Variants in PCDHGC4 observed in about 807,000 individuals in gnomAD.
The protein encoded by PCDHGC4 is protocadherin gamma-C4.
A neutral mutation model predicts 59.7 loss-of-function variants in PCDHGC4; 15 were observed. The ratio of observed to expected loss-of-function variants is 0.25; its 90% CI spans 0.17 to 0.39. PCDHGC4 has a LOEUF of 0.39. Among genes scored for constraint, PCDHGC4 ranks in the 10% least tolerant of loss-of-function variants. PCDHGC4 has a pLI of 1.00. For missense variants in PCDHGC4, 1,016 were observed against 1,189.5 expected, an observed-to-expected ratio of 0.85 and a Z score of 2.15; for synonymous variants, 434 against 481.4, an observed-to-expected ratio of 0.90 and a Z score of 1.29.
chr5:141,510,553 A>C (rs1471878583), intron 3 of PCDHGC4, among the ~76,000 whole-genome samples: 1 of 152,162 alleles, frequency 6.6e-6, no homozygotes, highest in African/African-American at 2.4e-5. Context: ...TGTTTTGAGC[A>C]CTTACATCTA....
intron 2 of PCDHGC4, among the ~76,000 whole-genome samples, chr5:141,498,994 AAGGAAGGAAGG>A (rs2099788184): frequency 2.0e-5 from 3 of 148,560 alleles, no homozygotes; most frequent in Non-Finnish European, 4.5e-5. Flanking sequence ...GGAAGGAAGG[AAGGAAGGAAGG>A]AAGGAAGGAA....
At position 141,490,356 on chromosome 5, in the gene PCDHGC4, T is replaced by C. The variant is rs771968534; in HGVS notation, c.2442+2741T>C. ...CAGTGGGCACAGTAGTGGGGTTGTT[T>C]AATGTGCGAGACCGGGACTCAGGTA... On this transcript the variant is annotated intron_variant, in intron 1 of 3. Coordinates refer to ENST00000306593, the MANE Select transcript of PCDHGC4 (RefSeq NM_018928.3). The surrounding 1 kb of genome is among the most constrained non-coding windows in gnomAD (Gnocchi z 5.4). 1.4e-5 allele frequency: 23 copies of C among 1,614,084 alleles called. No individual in the cohort carries two copies. Among genetic ancestry groups the C allele is most frequent in the Non-Finnish European group, 1.9e-5 (22 of 1,180,038 alleles).
At chr5:141,502,008 C>T (rs753492460) in intron 2 of PCDHGC4, among the ~76,000 whole-genome samples, 6 of 152,086 alleles carry the variant, frequency 3.9e-5, no homozygotes, top group Non-Finnish European at 8.8e-5. Context: ...AACCCGCATG[C>T]TCTCCTCCCT....
chr5:141,491,434 A>G lies in PCDHGC4; in HGVS notation c.2443-3373A>G, dbSNP rs1362196179. The G allele has an allele frequency of 6.2e-7, 1 of 1,614,032 alleles. No individual in the cohort carries two copies. ...GGACGGGGGTGGAGGGCAGTGCTGC[A>G]GGCGCCAGGACTCACCCTCCCCGGA... On this transcript the variant is annotated intron_variant, in intron 1 of 3. Coordinates refer to ENST00000306593, the MANE Select transcript of PCDHGC4 (RefSeq NM_018928.3). The surrounding 1 kb of genome is among the most constrained non-coding windows in gnomAD (Gnocchi z 6.9).
At position 141,511,032 on chromosome 5, in the gene PCDHGC4, G is replaced by T. The variant is rs779589499; in HGVS notation, c.2676G>T (p.Gln892His). 6.2e-7 allele frequency: 1 copy of T among 1,614,228 alleles called. No individual in the cohort carries two copies. Among genetic ancestry groups the T allele is most frequent in the South Asian group, 1.1e-5 (1 of 91,090 alleles). ...GCTACGGACCCCAGTTCACCCTGCAGCACGTGCCCGACTACCGCCAGAATG... is the reference window on the plus strand; with the variant it reads ...GCTACGGACCCCAGTTCACCCTGCATCACGTGCCCGACTACCGCCAGAATG... ...SARYGPQFTLQHVPDYRQNVY... is the reference protein window; with the variant it reads ...SARYGPQFTLHHVPDYRQNVY... Residue 892 changes from glutamine (Q) to histidine (H), a missense_variant, in exon 4 of 4, where the codon CAG (glutamine) becomes CAT (histidine). Gln to His is a conservative substitution (Grantham distance 24, BLOSUM62 0). Coordinates refer to ENST00000306593, the MANE Select transcript of PCDHGC4 (RefSeq NM_018928.3).
chr5:141,490,229 T>C lies in PCDHGC4; in HGVS notation c.2442+2614T>C. The C allele has an allele frequency of 6.2e-7, 1 of 1,614,198 alleles. No individual in the cohort carries two copies. Among genetic ancestry groups the C allele is most frequent in the Non-Finnish European group, 8.5e-7 (1 of 1,180,034 alleles). On this transcript the variant is annotated intron_variant, in intron 1 of 3. Coordinates refer to ENST00000306593, the MANE Select transcript of PCDHGC4 (RefSeq NM_018928.3). The surrounding 1 kb of genome is among the most constrained non-coding windows in gnomAD (Gnocchi z 5.4). ...GCCCGTGACCAGGGACAGCCTGCCA[T>C]GGAGGGCCACTGTGTGATTCAAGTG... is the stretch of plus-strand genomic sequence containing the variant.
At chr5:141,501,330 CACA>C (rs1301023208) in intron 2 of PCDHGC4, among the ~76,000 whole-genome samples, 82 of 151,502 alleles carry the variant, frequency 5.4e-4, no homozygotes, top group Admixed American at 2.2e-3. Flanking sequence ...CACACACACA[CACA>C]CCCCAAACTC....
chr5:141,508,928 G>A (rs1475005703), intron 3 of PCDHGC4, among the ~76,000 whole-genome samples: 1 of 152,076 alleles, frequency 6.6e-6, no homozygotes, highest in East Asian at 1.9e-4. Flanking sequence ...TCCTTTTGGA[G>A]TTAATTAGGG....
At chr5:141,498,429 G>T (rs1595525351) in intron 2 of PCDHGC4, among the ~76,000 whole-genome samples, 1 of 152,290 alleles carries the variant, frequency 6.6e-6, no homozygotes, top group East Asian at 1.9e-4. Flanking sequence ...GGAGTGAGGG[G>T]ATGAAGAGGA....
Position 141,489,352 on chromosome 5 carries a change from G to A in PCDHGC4, c.2442+1737G>A, listed in dbSNP as rs1336068787. 1.9e-6 allele frequency: 3 copies of A among 1,612,152 alleles called. No homozygotes were observed. In the Admixed American group the frequency reaches 5.0e-5, roughly 27 times the overall value. On this transcript the variant is annotated intron_variant, in intron 1 of 3. Transcript: ENST00000306593. The surrounding 1 kb of genome is among the most constrained non-coding windows in gnomAD (Gnocchi z 4.5). ...GCAGCTTCGTTACTCAGTGGTGGAG[G>A]AGTCTGAGCCGGGGACGCTGGTGGG...
At chr5:141,510,580 G>A (rs947369646) in intron 3 of PCDHGC4, among the ~76,000 whole-genome samples, 7 of 152,248 alleles carry the variant, frequency 4.6e-5, no homozygotes, top group South Asian at 2.1e-4. Flanking sequence ...ACTATTTTAC[G>A]TACCTGACAT....
In PCDHGC4 at chr5:141,485,417, G is replaced by A. The variant is rs1340790133; in HGVS notation, c.244G>A (p.Gly82Arg). The A allele has an allele frequency of 1.2e-6, 2 of 1,614,166 alleles. No homozygotes were observed. Among genetic ancestry groups the A allele is most frequent in the Non-Finnish European group, 8.5e-7 (1 of 1,180,038 alleles). ...ACACTTCCGTGTGGATTTGGACAGCGGAGCCCTGCTCATCAAGAACCCAAT... is the reference window on the plus strand; with the variant it reads ...ACACTTCCGTGTGGATTTGGACAGCAGAGCCCTGCTCATCAAGAACCCAAT... ...QRHFRVDLDSGALLIKNPIDR... is the reference protein window; with the variant it reads ...QRHFRVDLDSRALLIKNPIDR... The change falls in exon 1 of 4, where the codon GGA (glycine) becomes AGA (arginine). Residue 82 changes from glycine to arginine, a missense_variant. By Grantham distance (125) the Gly-to-Arg change is moderately radical. Coordinates refer to ENST00000306593, the MANE Select transcript of PCDHGC4 (RefSeq NM_018928.3). The surrounding 1 kb of genome is among the most constrained non-coding windows in gnomAD (Gnocchi z 5.7).
Position 141,485,447 on chromosome 5 carries a change from C to G in PCDHGC4, c.274C>G (p.Arg92Gly), listed in dbSNP as rs1233800346. 6.2e-7 allele frequency: 1 copy of G among 1,614,144 alleles called. No individual in the cohort carries two copies. The highest frequency in any genetic ancestry group is 8.5e-7 in the Non-Finnish European group (1 of 1,180,036). The change falls in exon 1 of 4, where the codon CGA (arginine) becomes GGA (glycine). Residue 92 changes from arginine (R) to glycine (G), a missense_variant. Physicochemically the swap from Arg to Gly is moderately radical, Grantham distance 125. Transcript: ENST00000306593. This position sits in a 1 kb window ranked among gnomAD's most constrained non-coding sequence, Gnocchi z 5.7. ...CCTGCTCATCAAGAACCCAATCGAC[C>G]GAGAGGCACTGTGTGGGCTCAGTGC... is the stretch of plus-strand genomic sequence containing the variant. ...GALLIKNPID[R>G]EALCGLSASC...
chr5:141,488,518 G>A lies in PCDHGC4; in HGVS notation c.2442+903G>A, dbSNP rs2233597. On this transcript the variant is annotated intron_variant, in intron 1 of 3. Coordinates refer to ENST00000306593, the MANE Select transcript of PCDHGC4 (RefSeq NM_018928.3). Reference sequence around the variant, plus strand: ...CACTCATTCCACATTTGGGGTCTGGGGTGTCAGAAAAGCTAAGTCCCATGT... The same window carrying A: ...CACTCATTCCACATTTGGGGTCTGGAGTGTCAGAAAAGCTAAGTCCCATGT... Among the ~76,000 whole-genome samples the A allele has an allele frequency of 5.8e-3, 879 of 152,218 alleles. 4 individuals are homozygous for A. The highest frequency in any genetic ancestry group is 0.021 in the African/African-American group (853 of 41,520).
intron 1 of PCDHGC4, among the ~76,000 whole-genome samples, chr5:141,488,133 G>T (rs1046071550): frequency 6.6e-6 from 1 of 152,198 alleles, no homozygotes; most frequent in Non-Finnish European, 1.5e-5. Context: ...AGAAAGAGGA[G>T]AGAACTAAAG....
intron 3 of PCDHGC4, among the ~76,000 whole-genome samples, chr5:141,505,698 G>A (rs1041309644): frequency 2.0e-5 from 3 of 152,280 alleles, no homozygotes; most frequent in Admixed American, 6.5e-5. Context: ...GGAGGAGAGC[G>A]AACAAGGAAA....
chr5:141,497,211 G>C (rs914346878), intron 2 of PCDHGC4, among the ~76,000 whole-genome samples: 19 of 28,538 alleles, frequency 6.7e-4, no homozygotes, highest in African/African-American at 2.3e-3. Flanking sequence ...GAGTGTAATG[G>C]GGGGGGGAAG....
At position 141,489,585 on chromosome 5, in the gene PCDHGC4, G is replaced by A; in HGVS notation, c.2442+1970G>A. 3 of 1,614,090 alleles carry A rather than the reference G, an allele frequency of 1.9e-6. No individual in the cohort carries two copies. Among genetic ancestry groups the A allele is most frequent in the Non-Finnish European group, 2.5e-6 (3 of 1,180,004 alleles). The stretch of plus-strand genomic sequence containing the variant: ...AGGTGGTGACTGAACACCCCCTGGA[G>A]CTAATCCGTGTAGAGGTAGAGATCC... On this transcript the variant is annotated intron_variant, in intron 1 of 3. Coordinates refer to ENST00000306593, the MANE Select transcript of PCDHGC4 (RefSeq NM_018928.3). The surrounding 1 kb of genome is among the most constrained non-coding windows in gnomAD (Gnocchi z 4.5).
chr5:141,489,275 A>C lies in PCDHGC4; in HGVS notation c.2442+1660A>C. On this transcript the variant is annotated intron_variant, in intron 1 of 3. Transcript: ENST00000306593. This position sits in a 1 kb window ranked among gnomAD's most constrained non-coding sequence, Gnocchi z 4.5. ...AAGACACTCCCACAGCTCGCTGGGA[A>C]ATGGCAAGTGCTGTGCATGTTGTCC... The C allele has an allele frequency of 4.5e-6, 7 of 1,556,298 alleles. No individual in the cohort carries two copies. Among genetic ancestry groups the C allele is most frequent in the Non-Finnish European group, 6.1e-6 (7 of 1,151,600 alleles).
Sources: gnomAD v4.1 joint callset for allele counts (sites outside exome capture counted in the v4.1 genomes callset) on GRCh38, gnomAD v4.1.1 for gene constraint, Gnocchi (gnomAD v3.1) non-coding constraint, MANE v1.5 for transcripts, NCBI Gene and HGNC (gene_info 2026-07-23, HGNC 2026-07-21) for gene names.